Variants in GPLD1 observed in about 807,000 individuals in gnomAD.
GPLD1 encodes glycosylphosphatidylinositol specific phospholipase D1.
Under a neutral mutation model 112.6 loss-of-function variants are expected in GPLD1, and 84 were observed. The ratio of observed to expected loss-of-function variants is 0.75; its 90% CI spans 0.63 to 0.89. The LOEUF (loss-of-function observed/expected upper bound fraction) is 0.89, where lower values mean the gene tolerates loss of function less well. GPLD1 is among the 40% of genes least tolerant of loss of function. The pLI, the probability that GPLD1 is intolerant of heterozygous loss-of-function variation, is 0.00. For synonymous variants in GPLD1, 386 were observed against 403.8 expected (o/e 0.96, Z 0.53); for missense variants, 1,044 against 1,051.5 (o/e 0.99, Z 0.10).
intron 7 of GPLD1, among the ~76,000 whole-genome samples, chr6:24,470,849 T>C (rs1207784410): frequency 6.6e-6 from 1 of 152,182 alleles, no homozygotes; most frequent in Non-Finnish European, 1.5e-5. Flanking sequence ...TTCACCTGCC[T>C]CACCCTCCCA....
intron 14 of GPLD1, 150 bp from the exon 15 acceptor site, chr6:24,450,049 A>G: frequency 1.7e-6 from 1 of 583,438 alleles, no homozygotes; most frequent in Admixed American, 3.1e-5. Context: ...TATCTGCAAC[A>G]CATCAGTTAG....
chr6:24,436,314 G>A (rs1017481238), intron 22 of GPLD1, among the ~76,000 whole-genome samples: 1 of 152,118 alleles, frequency 6.6e-6, no homozygotes, highest in South Asian at 2.1e-4. Context: ...TGTGCTGTGG[G>A]TGCCTAACCA....
At position 24,467,197 on chromosome 6, in the gene GPLD1, A is replaced by G. The variant is rs369577402; in HGVS notation, c.623T>C (p.Val208Ala). The G allele has an allele frequency of 1.3e-5, 21 of 1,600,928 alleles. No homozygotes were observed. Among genetic ancestry groups the G allele is most frequent in the Non-Finnish European group, 1.8e-5 (21 of 1,167,992 alleles). Reference protein sequence around the residue: ...GRKVITENVIVDCSHIQFLEM... With the variant: ...GRKVITENVIADCSHIQFLEM... ...TAAGAACTGGATATGTGAACAATCA[A>G]CGATTACATTTTCGGTGATGACTTT... is the stretch of plus-strand genomic sequence containing the variant. Residue 208 changes from valine (V) to alanine (A), a missense_variant, in exon 8 of 25, where the codon GTT becomes GCT. Physicochemically the swap from Val to Ala is moderately conservative, Grantham distance 64. Coordinates refer to ENST00000230036, the MANE Select transcript of GPLD1 (RefSeq NM_001503.4).
At chr6:24,466,630 G>A (rs755146515) in intron 10 of GPLD1, 50 bp downstream of exon 10, 8 of 1,478,460 alleles carry the variant, frequency 5.4e-6, no homozygotes, top group Non-Finnish European at 7.5e-6. Flanking sequence ...TTGGGGGATG[G>A]GGTAAAAAGG....
rs756497156 is a variant in GPLD1, at chr6:24,447,864, C to T, written c.1678+13G>A. On this transcript the variant is annotated intron_variant, in intron 17 of 24. Transcript: ENST00000230036. Reference sequence around the variant, plus strand: ...AGCAGCCATGGTCTCACCCATTCCCCCTCAGGCACTACCTTTGTCGCTCAG... The same window carrying T: ...AGCAGCCATGGTCTCACCCATTCCCTCTCAGGCACTACCTTTGTCGCTCAG... 1.4e-5 allele frequency: 23 copies of T among 1,613,206 alleles called. No individual in the cohort carries two copies. The highest frequency in any genetic ancestry group is 2.7e-5 in the African/African-American group (2 of 74,868).
rs1762590624 is a variant in GPLD1 at position 24,436,748 on chromosome 6, A to AATAT, written c.2198-13_2198-12insATAT. 1 of 1,611,802 alleles carries AATAT rather than the reference A, an allele frequency of 6.2e-7. No individual in the cohort carries two copies. Among genetic ancestry groups the AATAT allele is most frequent in the Non-Finnish European group, 8.5e-7 (1 of 1,179,274 alleles). On this transcript the variant is annotated splice_polypyrimidine_tract_variant and intron_variant, in intron 21 of 24. Coordinates refer to ENST00000230036, the MANE Select transcript of GPLD1 (RefSeq NM_001503.4). Reference sequence around the variant, plus strand: ...CATGATGATTTCATCTGAAAACAATAAAAACCGACAGAAGGAAGTATTTGA... The same window carrying AATAT: ...CATGATGATTTCATCTGAAAACAATAATATAAAACCGACAGAAGGAAGTATTTGA...
At chr6:24,474,204 CACAT>C (rs1473902427) in intron 5 of GPLD1, among the ~76,000 whole-genome samples, 1 of 122,684 alleles carries the variant, frequency 8.2e-6, no homozygotes, top group Non-Finnish European at 1.8e-5. Flanking sequence ...CACACACACA[CACAT>C]ATATATGCAG....
In GPLD1 at chr6:24,476,166, G is replaced by A; in HGVS notation, c.330+15C>T. On this transcript the variant is annotated intron_variant, in intron 4 of 24. Coordinates refer to ENST00000230036, the MANE Select transcript of GPLD1 (RefSeq NM_001503.4). ...TTGGTGCTAAATATTTTAAGGATTG[G>A]AGGACCACGCCTACCTTCTCCCAGG... The A allele has an allele frequency of 7.3e-7, 1 of 1,377,478 alleles. No individual in the cohort carries two copies. The allele number at this position is 1,377,478 out of a possible 1,614,324, so 85.3% of individuals were successfully genotyped here.
upstream of GPLD1, among the ~76,000 whole-genome samples, chr6:24,491,335 G>A (rs190876784): frequency 6.6e-6 from 1 of 152,066 alleles, no homozygotes; most frequent in East Asian, 1.9e-4. Flanking sequence ...TGGTTACAGG[G>A]GAAAAAAATA....
intron 12 of GPLD1, among the ~76,000 whole-genome samples, chr6:24,456,947 T>C (rs866644736): frequency 2.0e-5 from 3 of 152,158 alleles, no homozygotes; most frequent in African/African-American, 4.8e-5. Context: ...CTCAACTCAC[T>C]GCAACCTCCG....
At chr6:24,473,755 C>T (rs1763905470) in intron 5 of GPLD1, 88 bp from the exon 6 acceptor site, 4 of 782,458 alleles carry the variant, frequency 5.1e-6, no homozygotes, top group Non-Finnish European at 8.7e-6. Context: ...TGGGAGATGA[C>T]AGCTAACTCA....
At chr6:24,451,939 C>T (rs532761537) in intron 14 of GPLD1, among the ~76,000 whole-genome samples, 1 of 152,320 alleles carries the variant, frequency 6.6e-6, no homozygotes, top group South Asian at 2.1e-4. Context: ...GGCCCTCCTA[C>T]GGGCCAGCCA....
At position 24,462,697 on chromosome 6, in the gene GPLD1, C is replaced by T. The variant is rs763755496; in HGVS notation, c.887+33G>A. On this transcript the variant is annotated intron_variant, in intron 11 of 24. Coordinates refer to ENST00000230036, the MANE Select transcript of GPLD1 (RefSeq NM_001503.4). ...GGGCATCTCCTCCAGGTGAGATGTA[C>T]TTTTTCTATGAACAATTTTGGAATC... The T allele has an allele frequency of 4.4e-5, 65 of 1,483,532 alleles. No individual in the cohort carries two copies. The Admixed American group carries it at 1.1e-3, about 24-fold the overall frequency. 91.9% of individuals were successfully genotyped at this position (1,483,532 alleles called of 1,614,324 possible).
chr6:24,464,067 G>T (rs758754364), intron 10 of GPLD1, among the ~76,000 whole-genome samples: 1 of 150,606 alleles, frequency 6.6e-6, no homozygotes, highest in Non-Finnish European at 1.5e-5. Flanking sequence ...TTCCAGTTTG[G>T]ATTATATAAA....
chr6:24,471,865 G>A (rs1360150520), intron 7 of GPLD1, among the ~76,000 whole-genome samples: 2 of 152,158 alleles, frequency 1.3e-5, no homozygotes, highest in African/African-American at 4.8e-5. Flanking sequence ...GACTACAGAT[G>A]CTGTGCCACC....
At chr6:24,456,050 C>T (rs1369376082) in intron 13 of GPLD1, among the ~76,000 whole-genome samples, 3 of 152,024 alleles carry the variant, frequency 2.0e-5, no homozygotes, top group Non-Finnish European at 4.4e-5. Context: ...TAAATTAATG[C>T]TTTTGTTGAT....
At chr6:24,485,506 C>G (rs919599470) in intron 2 of GPLD1, among the ~76,000 whole-genome samples, 3 of 152,040 alleles carry the variant, frequency 2.0e-5, no homozygotes, top group Admixed American at 1.3e-4. Context: ...AATTATGAGT[C>G]ATATCATTAA....
chr6:24,454,919 A>G lies in GPLD1; in HGVS notation c.1149-718T>C, dbSNP rs562814609. On this transcript the variant is annotated intron_variant, in intron 13 of 24. Transcript: ENST00000230036. ...CAAGGCAGGTGGATCACCTGAGATC[A>G]GGAGTTCGATACCAGCCTGGCCAAG... 4.1e-3 allele frequency among the ~76,000 whole-genome samples: 620 copies of G among 152,350 alleles called. 5 individuals carry two copies. The highest frequency in any genetic ancestry group is 6.4e-3 in the Non-Finnish European group (436 of 68,022).
In GPLD1 at chr6:24,460,297, A is replaced by G; in HGVS notation, c.990T>C (p.Ser330=). The change falls in exon 12 of 25, where the codon AGT becomes AGC. Residue 330 remains serine, a synonymous_variant. Transcript: ENST00000230036. ...TTCTTACCGGGGTCCAGGAATTTAC[A>G]CTAAAGAACACTCCTCTTTCAGTAT... ...INYTERGVFF[S]VNSWTPDSMS... is the part of the protein sequence containing the mutation. 6.2e-7 allele frequency: 1 copy of G among 1,613,690 alleles called. No homozygotes were observed. The highest frequency in any genetic ancestry group is 8.5e-7 in the Non-Finnish European group (1 of 1,179,608).
Sources: gnomAD v4.1 joint callset for allele counts (sites outside exome capture counted in the v4.1 genomes callset) on GRCh38, gnomAD v4.1.1 for gene constraint, MANE v1.5 for transcripts, NCBI Gene and HGNC (gene_info 2026-07-23, HGNC 2026-07-21) for gene names.